LOC400499: variants seen among roughly 807,000 people sequenced by gnomAD.
chr16:11,476,664 T>G, the LOC400499 span: 3 of 397,366 alleles, frequency 7.5e-6, no homozygotes, highest in Non-Finnish European at 1.3e-5. Flanking sequence ...GCAGACGTGA[T>G]CACACACTCA....
chr16:11,461,118 T>C, the LOC400499 span: 2 of 1,533,606 alleles, frequency 1.3e-6, no homozygotes, highest in Non-Finnish European at 1.7e-6. Flanking sequence ...TCTCCAGCAG[T>C]GCTGCAGGGA....
chr16:11,397,973 A>G, the LOC400499 span, among the ~76,000 whole-genome samples: 1 of 152,166 alleles, frequency 6.6e-6, no homozygotes. Context: ...CCAATCAACC[A>G]GCTACCAACC....
chr16:11,459,117 A>C, the LOC400499 span, among the ~76,000 whole-genome samples: 1 of 151,938 alleles, frequency 6.6e-6, no homozygotes, highest in South Asian at 2.1e-4. Context: ...GCCACAATTA[A>C]AATTAAAAGT....
chr16:11,431,564 G>C, the LOC400499 span, among the ~76,000 whole-genome samples: 1 of 152,116 alleles, frequency 6.6e-6, no homozygotes, highest in Admixed American at 6.5e-5. Flanking sequence ...CACCACAACA[G>C]CTGGCTAGTT....
At chr16:11,439,684 G>A in the LOC400499 span, 1 of 397,178 alleles carries the variant, frequency 2.5e-6, no homozygotes, top group Non-Finnish European at 4.4e-6. Flanking sequence ...TATGCCCAAA[G>A]CTCAAACCAG....
At chr16:11,516,274 G>A in the LOC400499 span, 1 of 399,664 alleles carries the variant, frequency 2.5e-6, no homozygotes, top group Non-Finnish European at 4.4e-6. Flanking sequence ...CAGAGTGCAG[G>A]ATGAAGCGGA....
chr16:11,407,968 C>CTCTT, the LOC400499 span, among the ~76,000 whole-genome samples: 43 of 116,184 alleles, frequency 3.7e-4, 4 homozygotes, highest in African/African-American at 1.4e-3. Context: ...TGTTCCAGAG[C>CTCTT]TGTTTTTTTT....
the LOC400499 span, among the ~76,000 whole-genome samples, chr16:11,375,969 C>G: frequency 5.9e-5 from 9 of 152,160 alleles, no homozygotes; most frequent in African/African-American, 2.2e-4. Context: ...GAACGCCTGA[C>G]CTCAGGTGAT....
the LOC400499 span, among the ~76,000 whole-genome samples, chr16:11,437,393 T>C: frequency 6.6e-6 from 1 of 152,094 alleles, no homozygotes; most frequent in Non-Finnish European, 1.5e-5. Flanking sequence ...CCCGCATCTC[T>C]ACAAAAAATT....
chr16:11,381,820 G>A, the LOC400499 span, among the ~76,000 whole-genome samples: 1 of 152,116 alleles, frequency 6.6e-6, no homozygotes, highest in East Asian at 1.9e-4. Context: ...CTCTTCCTTA[G>A]CTTTTAGGAC....
chr16:11,403,296 C>G, the LOC400499 span, among the ~76,000 whole-genome samples: 25 of 152,204 alleles, frequency 1.6e-4, no homozygotes, highest in Non-Finnish European at 3.4e-4. Context: ...TCTGGGGAGG[C>G]TGACCACATG....
the LOC400499 span, among the ~76,000 whole-genome samples, chr16:11,426,021 A>C: frequency 4.8e-4 from 73 of 152,356 alleles, 1 homozygote; most frequent in African/African-American, 1.7e-3. Context: ...CACTAAAGCA[A>C]GGTTGGTTTC....
At chr16:11,410,524 T>C in the LOC400499 span, among the ~76,000 whole-genome samples, 1 of 152,206 alleles carries the variant, frequency 6.6e-6, no homozygotes, top group Non-Finnish European at 1.5e-5. Context: ...GAGCGAAGTT[T>C]GAGGAACTCC....
chr16:11,387,844 A>C, the LOC400499 span, among the ~76,000 whole-genome samples: 2 of 152,108 alleles, frequency 1.3e-5, no homozygotes, highest in East Asian at 3.9e-4. Context: ...GGCTAGTCTC[A>C]AACTCCTGAC....
chr16:11,520,939 G>C, the LOC400499 span, among the ~76,000 whole-genome samples: 1 of 152,094 alleles, frequency 6.6e-6, no homozygotes, highest in Non-Finnish European at 1.5e-5. Context: ...GCCAACATTT[G>C]ACATTGGCAG....
At chr16:11,470,375 T>G in the LOC400499 span, among the ~76,000 whole-genome samples, 1 of 152,192 alleles carries the variant, frequency 6.6e-6, no homozygotes, top group Non-Finnish European at 1.5e-5. Context: ...TACCTCGTGC[T>G]CTGGGGCTCC....
At chr16:11,519,171 T>C in the LOC400499 span, among the ~76,000 whole-genome samples, 31 of 152,258 alleles carry the variant, frequency 2.0e-4, 1 homozygote, top group African/African-American at 6.5e-4. Flanking sequence ...ATCAAGTACC[T>C]ACAGCTCCCT....
At chr16:11,499,860 T>A in the LOC400499 span, among the ~76,000 whole-genome samples, 1 of 152,106 alleles carries the variant, frequency 6.6e-6, no homozygotes, top group African/African-American at 2.4e-5. Flanking sequence ...CACCCCAAGG[T>A]CTCAGGTCAG....
chr16:11,519,511 C>T, the LOC400499 span, among the ~76,000 whole-genome samples: 6 of 152,172 alleles, frequency 3.9e-5, no homozygotes, highest in African/African-American at 7.2e-5. Context: ...GCAAGGCAGG[C>T]GGATCACTTG....
Sources: allele counts gnomAD v4.1 joint callset (sites outside exome capture counted in the v4.1 genomes callset), GRCh38; gene constraint gnomAD v4.1.1; transcripts MANE v1.5.